ASZ1: variants seen among roughly 807,000 people sequenced by gnomAD.
ASZ1 encodes the protein ankyrin repeat, SAM and basic leucine zipper domain-containing protein 1.
Under a neutral mutation model 61.8 loss-of-function variants are expected in ASZ1, and 67 were observed. The ratio of observed to expected loss-of-function variants is 1.08; its 90% CI spans 0.89 to 1.33. ASZ1 has a LOEUF of 1.33. Ranked by LOEUF, ASZ1 falls within the 40% of genes most tolerant of loss-of-function variation. The pLI, the probability that ASZ1 is intolerant of heterozygous loss-of-function variation, is 0.00. For synonymous variants in ASZ1, 193 were observed against 192.7 expected (o/e 1.00, Z -0.01); for missense variants, 577 against 554.5 (o/e 1.04, Z -0.41).
intron 4 of ASZ1, among the ~76,000 whole-genome samples, chr7:117,412,826 C>T (rs75132263): frequency 0.034 from 5,150 of 151,212 alleles, 112 homozygotes; most frequent in East Asian, 0.093. Context: ...TAGGGGGAAA[C>T]GCACAATTTC....
chr7:117,422,234 T>A lies in ASZ1; in HGVS notation c.328+3A>T. ...ATCATTTAAGTTATCTAAAACATCTTACCCTTCTCAAAGCTTGCATTAGCA... is the reference window on the plus strand; with the variant it reads ...ATCATTTAAGTTATCTAAAACATCTAACCCTTCTCAAAGCTTGCATTAGCA... On this transcript the variant is annotated splice_donor_region_variant and intron_variant, in intron 3 of 12. Coordinates refer to ENST00000284629, the MANE Select transcript of ASZ1 (RefSeq NM_130768.3). 1.2e-6 allele frequency: 2 copies of A among 1,612,336 alleles called. No individual in the cohort carries two copies. Among genetic ancestry groups the A allele is most frequent in the South Asian group, 2.2e-5 (2 of 90,574 alleles).
intron 11 of ASZ1, 26 bp downstream of exon 11, chr7:117,368,586 T>G (rs1185262778): frequency 1.2e-6 from 2 of 1,604,384 alleles, no homozygotes; most frequent in Non-Finnish European, 1.7e-6. Context: ...CATACTTTTC[T>G]TCACTTAATA....
chr7:117,389,179 T>C (rs1041171313), intron 4 of ASZ1, among the ~76,000 whole-genome samples: 1 of 152,100 alleles, frequency 6.6e-6, no homozygotes, highest in East Asian at 1.9e-4. Context: ...GAAGTCTTTT[T>C]TTTTTTTAAG....
chr7:117,396,951 C>G (rs1584731791), intron 4 of ASZ1, among the ~76,000 whole-genome samples: 1 of 150,536 alleles, frequency 6.6e-6, no homozygotes, highest in East Asian at 1.9e-4. Flanking sequence ...TTCAAAATCA[C>G]AACATAAAAA....
intron 10 of ASZ1, among the ~76,000 whole-genome samples, chr7:117,376,241 T>A (rs1796134552): frequency 6.6e-6 from 1 of 152,024 alleles, no homozygotes; most frequent in South Asian, 2.1e-4. Flanking sequence ...TTACCAAAAC[T>A]CAGCCAAAGC....
chr7:117,427,464 A>C lies in ASZ1; in HGVS notation c.-4T>G. ...CTCGCAGCGCGCTCGCCGCCATGCC[A>C]GCCAAGGAAGCTCCCTGTCGGCACC... On this transcript the variant is annotated 5_prime_UTR_variant, in exon 1 of 13. Transcript: ENST00000284629. 6.2e-7 allele frequency: 1 copy of C among 1,613,702 alleles called. No homozygotes were observed. The highest frequency in any genetic ancestry group is 1.7e-5 in the Admixed American group (1 of 59,998).
At chr7:117,386,877 A>T (rs1001264002) in intron 4 of ASZ1, among the ~76,000 whole-genome samples, 1 of 152,122 alleles carries the variant, frequency 6.6e-6, no homozygotes, top group Non-Finnish European at 1.5e-5. Flanking sequence ...ATGTGAAATT[A>T]TATGCTAAAT....
At position 117,385,856 on chromosome 7, in the gene ASZ1, A is replaced by T. The variant is rs367848035; in HGVS notation, c.441-47T>A. On this transcript the variant is annotated intron_variant, in intron 4 of 12. Coordinates refer to ENST00000284629, the MANE Select transcript of ASZ1 (RefSeq NM_130768.3). ...AACATTTGTGTTAATGCTGCCATTA[A>T]TCTCTCATTTTCATTAATTTAACCA... 2.0e-5 allele frequency: 28 copies of T among 1,425,890 alleles called. No homozygotes were observed. The African/African-American group carries it at 3.7e-4, about 19-fold the overall frequency. 88.3% of individuals were successfully genotyped at this position (1,425,890 alleles called of 1,614,324 possible).
chr7:117,374,672 AAAAAAAGAAAACTT>A (rs1796106517), intron 10 of ASZ1, among the ~76,000 whole-genome samples: 1 of 152,048 alleles, frequency 6.6e-6, no homozygotes, highest in Non-Finnish European at 1.5e-5. Flanking sequence ...TAAATCAACT[AAAAAAAGAAAACTT>A]AGAAAAGAAT....
intron 4 of ASZ1, among the ~76,000 whole-genome samples, chr7:117,409,912 T>A (rs1466159341): frequency 6.6e-6 from 1 of 151,818 alleles, no homozygotes; most frequent in East Asian, 1.9e-4. Flanking sequence ...CTGACTTTGC[T>A]TGTTAATCAT....
intron 4 of ASZ1, among the ~76,000 whole-genome samples, chr7:117,416,062 A>G (rs910593197): frequency 6.6e-6 from 1 of 152,060 alleles, no homozygotes; most frequent in Non-Finnish European, 1.5e-5. Flanking sequence ...GTGGTGGCAT[A>G]CCTGTAGGCC....
chr7:117,368,967 C>T (rs986718581), intron 10 of ASZ1, among the ~76,000 whole-genome samples: 5 of 152,124 alleles, frequency 3.3e-5, no homozygotes, highest in Non-Finnish European at 7.4e-5. Context: ...TTCACAGGAA[C>T]ACATGAAGGA....
chr7:117,386,079 A>G (rs1347561595), intron 4 of ASZ1, among the ~76,000 whole-genome samples: 1 of 152,184 alleles, frequency 6.6e-6, no homozygotes, highest in East Asian at 1.9e-4. Context: ...GCTTTCTACT[A>G]TGAAGTTCAC....
intron 11 of ASZ1, chr7:117,368,245 C>G: frequency 2.0e-6 from 2 of 977,528 alleles, no homozygotes; most frequent in Non-Finnish European, 2.4e-6. Flanking sequence ...TCTTCCTATT[C>G]TAAATTTATT....
Position 117,407,409 on chromosome 7 carries a change from T to TA in ASZ1, c.440+12753dup, listed in dbSNP as rs768740791. On this transcript the variant is annotated intron_variant, in intron 4 of 12. Coordinates refer to ENST00000284629, the MANE Select transcript of ASZ1 (RefSeq NM_130768.3). The stretch of plus-strand genomic sequence containing the variant: ...CTCAGTAACTGATAGAACACGGAAG[T>TA]AAAAAAAAAAAAAAATCAGGACAGT... 2.6e-3 allele frequency among the ~76,000 whole-genome samples: 346 copies of TA among 133,780 alleles called. 2 individuals are homozygous for TA. The highest frequency in any genetic ancestry group is 4.8e-3 in the African/African-American group (176 of 36,408). 87.8% of individuals were successfully genotyped at this position (133,780 alleles called of 152,430 possible).
rs10278760 is a variant in ASZ1, at chr7:117,410,609, C to A, written c.440+9554G>T. On this transcript the variant is annotated intron_variant, in intron 4 of 12. Transcript: ENST00000284629. The stretch of plus-strand genomic sequence containing the variant: ...TTGAGAATTTCTGGTTATCATTATA[C>A]TGTTGAAAACCAATACACTAAAGTT... Among the ~76,000 whole-genome samples the A allele has an allele frequency of 1.5e-3, 226 of 151,492 alleles. 1 individual carries two copies. The highest frequency in any genetic ancestry group is 4.7e-3 in the African/African-American group (195 of 41,452).
intron 12 of ASZ1, among the ~76,000 whole-genome samples, chr7:117,365,592 G>T (rs2069448444): frequency 6.6e-6 from 1 of 152,104 alleles, no homozygotes; most frequent in South Asian, 2.1e-4. Context: ...AAACATTAAA[G>T]GCTGATGTTT....
At chr7:117,424,210 G>A (rs944454934) in intron 2 of ASZ1, among the ~76,000 whole-genome samples, 1 of 152,088 alleles carries the variant, frequency 6.6e-6, no homozygotes, top group African/African-American at 2.4e-5. Context: ...ATAGTACACA[G>A]AATAACAAAA....
At position 117,426,947 on chromosome 7, in the gene ASZ1, A is replaced by C. The variant is rs1185482153; in HGVS notation, c.106-12T>G. The C allele has an allele frequency of 1.3e-6, 2 of 1,577,024 alleles. No homozygotes were observed. The highest frequency in any genetic ancestry group is 2.0e-5 in the Admixed American group (1 of 50,808). On this transcript the variant is annotated splice_polypyrimidine_tract_variant and intron_variant, in intron 1 of 12. Transcript: ENST00000284629. ...AGCCTTTTCAATTTCTAGAAAAGTA[A>C]ACATTTTAAAAAATTCTTGTTATAT...
Sources: allele counts gnomAD v4.1 joint callset (sites outside exome capture counted in the v4.1 genomes callset), GRCh38; gene constraint gnomAD v4.1.1; transcripts MANE v1.5; gene names NCBI Gene and HGNC (gene_info 2026-07-23, HGNC 2026-07-21).